GSTCD: variants seen among roughly 807,000 people sequenced by gnomAD.
GSTCD encodes the protein glutathione S-transferase C-terminal domain-containing protein.
Under a neutral mutation model 68.3 loss-of-function variants are expected in GSTCD, and 44 were observed. The observed-to-expected ratio is 0.64, with a 90% CI of 0.51 to 0.83. The LOEUF is 0.83. Ranked by LOEUF, GSTCD falls within the 40% of genes least tolerant of loss-of-function variation. The pLI is 0.00. For missense variants in GSTCD, 739 were observed against 735.9 expected, an observed-to-expected ratio of 1.00 and a Z score of -0.05; for synonymous variants, 273 against 255.2, an observed-to-expected ratio of 1.07 and a Z score of -0.67.
At chr4:105,827,975 A>G (rs540550208) in intron 8 of GSTCD, among the ~76,000 whole-genome samples, 15 of 152,246 alleles carry the variant, frequency 9.9e-5, no homozygotes, top group African/African-American at 3.4e-4. Context: ...ATAGTATTAC[A>G]TAAAGGGTCA....
At chr4:105,751,513 G>C (rs1009054848) in intron 5 of GSTCD, among the ~76,000 whole-genome samples, 3 of 152,142 alleles carry the variant, frequency 2.0e-5, no homozygotes, top group African/African-American at 7.2e-5. Context: ...CAGACAGTCA[G>C]ACTTCACAGG....
chr4:105,763,685 T>C (rs1018972374), intron 5 of GSTCD, among the ~76,000 whole-genome samples: 1 of 152,188 alleles, frequency 6.6e-6, no homozygotes, highest in Non-Finnish European at 1.5e-5. Context: ...ACACAGTTAT[T>C]CTGGTATTTT....
Position 105,729,510 on chromosome 4 carries a change from T to G in GSTCD, c.1240+11T>G, listed in dbSNP as rs747441882. 6.3e-7 allele frequency: 1 copy of G among 1,585,568 alleles called. No individual in the cohort carries two copies. Among genetic ancestry groups the G allele is most frequent in the Admixed American group, 1.7e-5 (1 of 59,510 alleles). ...TCAGCCCAAAGGAAGGTGAGTTTTC[T>G]TTTTTCTTTAAGTTTTATTCATACT... On this transcript the variant is annotated intron_variant, in intron 5 of 11. Transcript: ENST00000515279.
chr4:105,812,244 A>G (rs1722783357), intron 5 of GSTCD, among the ~76,000 whole-genome samples: 1 of 152,244 alleles, frequency 6.6e-6, no homozygotes, highest in Admixed American at 6.5e-5. Flanking sequence ...ATCAAAATCT[A>G]GAAAGTATAC....
chr4:105,714,876 T>C (rs759297554), intron 1 of GSTCD, among the ~76,000 whole-genome samples: 4 of 152,220 alleles, frequency 2.6e-5, no homozygotes, highest in Non-Finnish European at 4.4e-5. Context: ...TCTAAAATCC[T>C]ATTTTCATAT....
intron 5 of GSTCD, among the ~76,000 whole-genome samples, chr4:105,740,190 C>T (rs1364683339): frequency 6.6e-6 from 1 of 152,062 alleles, no homozygotes; most frequent in Non-Finnish European, 1.5e-5. Context: ...AGCTCCTTCT[C>T]TGTGGGATGA....
At chr4:105,753,284 G>GA (rs1376265239) in intron 5 of GSTCD, 1 of 151,852 alleles carries the variant, frequency 6.6e-6, no homozygotes, top group Non-Finnish European at 1.5e-5. Context: ...TGAGGGACAG[G>GA]AAAAAATAAT....
At chr4:105,783,000 C>T (rs1207933344) in intron 5 of GSTCD, among the ~76,000 whole-genome samples, 3 of 152,124 alleles carry the variant, frequency 2.0e-5, no homozygotes, top group African/African-American at 7.2e-5. Context: ...TTGATAATAA[C>T]TATGCTGGAA....
intron 1 of GSTCD, among the ~76,000 whole-genome samples, chr4:105,711,327 T>C (rs560004120): frequency 6.6e-6 from 1 of 152,386 alleles, no homozygotes; most frequent in South Asian, 2.1e-4. Flanking sequence ...TAGGTTGATA[T>C]GCACATGGAT....
intron 5 of GSTCD, among the ~76,000 whole-genome samples, chr4:105,775,520 A>C (rs1306560655): frequency 1.3e-5 from 2 of 151,774 alleles, no homozygotes; most frequent in Admixed American, 1.3e-4. Context: ...TGATCTTTGG[A>C]TGGGGTTTCT....
At chr4:105,785,767 GA>G (rs1004421765) in intron 5 of GSTCD, among the ~76,000 whole-genome samples, 2 of 148,738 alleles carry the variant, frequency 1.3e-5, no homozygotes, top group Non-Finnish European at 3.0e-5. Flanking sequence ...GAATAAAAAG[GA>G]AAAAAAAAGG....
intron 3 of GSTCD, among the ~76,000 whole-genome samples, chr4:105,722,095 A>G (rs191402251): frequency 3.3e-4 from 50 of 152,284 alleles, no homozygotes; most frequent in African/African-American, 1.2e-3. Context: ...ATCATTTTAT[A>G]AAATCTTGTA....
At chr4:105,734,219 T>C (rs1578420040) in intron 5 of GSTCD, among the ~76,000 whole-genome samples, 1 of 152,200 alleles carries the variant, frequency 6.6e-6, no homozygotes, top group South Asian at 2.1e-4. Flanking sequence ...ATTTCCTGAA[T>C]TTGAATGTTG....
rs534073582 is a variant in GSTCD, at chr4:105,781,554, C to A, written c.1241-41400C>A. ...TACAGGCGTGAGTCATCTTTCTCAGCCTAATTTTCCTTTCTTTAGAAACAA... is the reference window on the plus strand; with the variant it reads ...TACAGGCGTGAGTCATCTTTCTCAGACTAATTTTCCTTTCTTTAGAAACAA... On this transcript the variant is annotated intron_variant, in intron 5 of 11. Coordinates refer to ENST00000515279, the MANE Select transcript of GSTCD (RefSeq NM_001370181.1). Among the ~76,000 whole-genome samples the A allele has an allele frequency of 3.3e-5, 5 of 152,094 alleles. 1 individual carries two copies. The South Asian group carries it at 8.3e-4, about 25-fold the overall frequency.
intron 5 of GSTCD, among the ~76,000 whole-genome samples, chr4:105,822,490 A>T (rs547821065): frequency 1.1e-4 from 16 of 152,196 alleles, no homozygotes; most frequent in African/African-American, 3.9e-4. Context: ...CTTATTATGG[A>T]TCTCTCTATA....
chr4:105,809,231 G>T (rs1244629153), intron 5 of GSTCD, among the ~76,000 whole-genome samples: 1 of 152,052 alleles, frequency 6.6e-6, no homozygotes, highest in African/African-American at 2.4e-5. Context: ...GTTTGGTTAA[G>T]ATGGAAAAGT....
rs974071535 is a variant in GSTCD at position 105,718,188 on chromosome 4, T to C, written c.426+149T>C. 1.2e-5 allele frequency: 8 copies of C among 658,130 alleles called. No homozygotes were observed. The African/African-American group carries it at 1.5e-4, about 12-fold the overall frequency. The allele number at this position is 658,130 out of a possible 1,614,324, so 40.8% of individuals were successfully genotyped here. ...CCAATGAAATAAAGTAGCCCTTTGA[T>C]ATAGTTTGAATATTTATCCCCTCCA... On this transcript the variant is annotated intron_variant, in intron 2 of 11. Transcript: ENST00000515279.
intron 5 of GSTCD, among the ~76,000 whole-genome samples, chr4:105,798,291 A>T (rs927250652): frequency 2.6e-5 from 4 of 152,040 alleles, no homozygotes; most frequent in African/African-American, 9.7e-5. Flanking sequence ...TGAAGTCTTA[A>T]ACCCCTCAAA....
Position 105,773,740 on chromosome 4 carries a change from T to C in GSTCD, c.1240+44241T>C, listed in dbSNP as rs570724512. 1.7e-4 allele frequency among the ~76,000 whole-genome samples: 26 copies of C among 152,326 alleles called. No homozygotes were observed. In the South Asian group the frequency reaches 5.2e-3, roughly 30 times the overall value. ...TCTGCGAGACTGTTATGATTTCTGT[T>C]CTTTTGCATTTGCTGTGGAGTGTTT... is the stretch of plus-strand genomic sequence containing the variant. On this transcript the variant is annotated intron_variant, in intron 5 of 11. Coordinates refer to ENST00000515279, the MANE Select transcript of GSTCD (RefSeq NM_001370181.1).
Sources: gnomAD v4.1 joint callset for allele counts (sites outside exome capture counted in the v4.1 genomes callset) on GRCh38, gnomAD v4.1.1 for gene constraint, MANE v1.5 for transcripts, NCBI Gene and HGNC (gene_info 2026-07-23, HGNC 2026-07-21) for gene names.